PATL2: variants seen among roughly 807,000 people sequenced by gnomAD.
PATL2 encodes the protein PAT1 homolog 2, also known as protein PAT1 homolog 2.
PATL2 carries 73 observed loss-of-function variants against 77.0 expected under a neutral mutation model. That is an observed-to-expected ratio of 0.95 (90% CI 0.78 to 1.15). The LOEUF is 1.15. Among genes scored for constraint, PATL2 ranks in the 50% most tolerant of loss-of-function variants. The pLI, the probability that PATL2 is intolerant of heterozygous loss-of-function variation, is 0.00. For missense variants in PATL2, 618 were observed against 655.4 expected, an observed-to-expected ratio of 0.94 and a Z score of 0.62; for synonymous variants, 265 against 257.1, an observed-to-expected ratio of 1.03 and a Z score of -0.29.
chr15:44,680,569 T>A (rs1392983319), intron 3 of PATL2, among the ~76,000 whole-genome samples: 2 of 152,176 alleles, frequency 1.3e-5, no homozygotes, highest in African/African-American at 4.8e-5. Flanking sequence ...TTCAGCCACT[T>A]TTCTCTGTGT....
intron 3 of PATL2, among the ~76,000 whole-genome samples, chr15:44,689,850 T>G (rs902800662): frequency 1.3e-5 from 2 of 152,156 alleles, no homozygotes; most frequent in Non-Finnish European, 2.9e-5. Flanking sequence ...CCCCAGAACT[T>G]AAAGTATAAT....
chr15:44,685,613 A>G (rs541389875), intron 3 of PATL2, among the ~76,000 whole-genome samples: 1 of 152,010 alleles, frequency 6.6e-6, no homozygotes, highest in Admixed American at 6.6e-5. Flanking sequence ...GTCTCAAAAA[A>G]AAAAAAAGAA....
rs747876617 is a variant in PATL2 at position 44,669,407 on chromosome 15, G to A, written c.937C>T (p.Leu313Phe). The change falls in exon 13 of 18, where the codon CTT becomes TTT. Residue 313 changes from leucine to phenylalanine, a missense_variant. Leu to Phe is a conservative substitution (Grantham distance 22). Transcript: ENST00000682850. ...CCTTCCTCTATTTCTAGTAACTGAA[G>A]GAACATCTGGGAATTTGAGGGTGGA... The part of the protein sequence containing the change: ...RVLYRIEKMF[L>F]QLLEIEEGWK... 10 of 1,549,586 alleles carry A rather than the reference G, an allele frequency of 6.5e-6. No individual in the cohort carries two copies. Among genetic ancestry groups the A allele is most frequent in the African/African-American group, 1.4e-5 (1 of 73,000 alleles).
chr15:44,678,374 T>A (rs1317273360), intron 3 of PATL2, among the ~76,000 whole-genome samples: 4 of 152,196 alleles, frequency 2.6e-5, no homozygotes, highest in African/African-American at 9.6e-5. Flanking sequence ...GCAGGTGGAC[T>A]AGGGCTCAGT....
chr15:44,668,697 G>T (rs563108319), intron 14 of PATL2, among the ~76,000 whole-genome samples: 2 of 152,288 alleles, frequency 1.3e-5, no homozygotes, highest in African/African-American at 4.8e-5. Flanking sequence ...GTAGATAGGG[G>T]CTCAACATTT....
At chr15:44,666,580 C>T (rs1357846542) in intron 16 of PATL2, 39 bp from the exon 17 acceptor site, 19 of 1,471,598 alleles carry the variant, frequency 1.3e-5, no homozygotes, top group East Asian at 2.5e-5. Context: ...AATAGATTTG[C>T]TTAAGAAACA....
At chr15:44,709,517 A>G (rs924867746) in intron 3 of PATL2, among the ~76,000 whole-genome samples, 2 of 152,106 alleles carry the variant, frequency 1.3e-5, no homozygotes, top group Non-Finnish European at 1.5e-5. Flanking sequence ...CTCTGTCTCC[A>G]CAAAAATATT....
In PATL2 at chr15:44,666,447, G is replaced by GGGA; in HGVS notation, c.1557_1558insTCC (p.Pro519_Leu520insSer). The GGGA allele has an allele frequency of 6.4e-7, 1 of 1,551,730 alleles. No homozygotes were observed. Among genetic ancestry groups the GGGA allele is most frequent in the Admixed American group, 2.0e-5 (1 of 51,006 alleles). On this transcript the variant is annotated inframe_insertion, in exon 17 of 18. Coordinates refer to ENST00000682850, the MANE Select transcript of PATL2 (RefSeq NM_001387263.1). ...TGTTTGTCCACGTGGTGACAGAACA[G>GGGA]GGGAAGTAGGTTGCTGGGGAAAGCT...
intron 3 of PATL2, among the ~76,000 whole-genome samples, chr15:44,707,309 C>G (rs2086760492): frequency 6.6e-6 from 1 of 152,062 alleles, no homozygotes; most frequent in Admixed American, 6.5e-5. Flanking sequence ...GAATTTCTCC[C>G]CATAGCCACC....
chr15:44,708,795 G>A (rs1010753599), intron 3 of PATL2, among the ~76,000 whole-genome samples: 1 of 152,156 alleles, frequency 6.6e-6, no homozygotes, highest in African/African-American at 2.4e-5. Context: ...TCTTTGTATA[G>A]ACATATGCTT....
chr15:44,680,822 A>G (rs2086118201), intron 3 of PATL2, among the ~76,000 whole-genome samples: 1 of 152,156 alleles, frequency 6.6e-6, no homozygotes, highest in African/African-American at 2.4e-5. Flanking sequence ...CATAATCTCC[A>G]TAAGCCCCTT....
chr15:44,667,013 G>A lies in PATL2; in HGVS notation c.1463+93C>T, dbSNP rs527403257. 32 of 995,924 alleles carry A rather than the reference G, an allele frequency of 3.2e-5. No individual in the cohort carries two copies. In the African/African-American group the frequency reaches 4.8e-4, roughly 15 times the overall value. The allele number at this position is 995,924 out of a possible 1,614,324, so 61.7% of individuals were successfully genotyped here. On this transcript the variant is annotated intron_variant, in intron 16 of 17. Coordinates refer to ENST00000682850, the MANE Select transcript of PATL2 (RefSeq NM_001387263.1). Reference sequence around the variant, plus strand: ...CTTTCTCTATCCAACCTCTTCCTCAGTACTTGAAAATGCCTCAGGAAATAC... The same window carrying A: ...CTTTCTCTATCCAACCTCTTCCTCAATACTTGAAAATGCCTCAGGAAATAC...
At chr15:44,692,646 C>T (rs2086417573) in intron 3 of PATL2, among the ~76,000 whole-genome samples, 1 of 152,248 alleles carries the variant, frequency 6.6e-6, no homozygotes, top group African/African-American at 2.4e-5. Context: ...GTGGTGAACA[C>T]TGAGATCAGA....
chr15:44,669,997 A>G lies in PATL2; in HGVS notation c.748T>C (p.Tyr250His). 6.5e-7 allele frequency: 1 copy of G among 1,549,672 alleles called. No homozygotes were observed. The highest frequency in any genetic ancestry group is 8.7e-7 in the Non-Finnish European group (1 of 1,146,156). ...RVESLKLVTPYIPKAEAYESV... is the reference protein window; with the variant it reads ...RVESLKLVTPHIPKAEAYESV... ...TCATAAGCCTCTGCCTTCGGAATGT[A>G]AGGCGTTACCAGCTTGAGGGACTCA... The change falls in exon 10 of 18, where the codon TAC (tyrosine) becomes CAC (histidine). Residue 250 changes from tyrosine (Y) to histidine (H), a missense_variant. Transcript: ENST00000682850.
chr15:44,675,831 T>G, intron 4 of PATL2, 140 bp from the exon 5 acceptor site: 1 of 722,710 alleles, frequency 1.4e-6, no homozygotes, highest in Admixed American at 3.1e-5. Flanking sequence ...TCCTGTTCTG[T>G]GGGTTTAACT....
At chr15:44,668,163 T>C (rs900875147) in intron 15 of PATL2, among the ~76,000 whole-genome samples, 179 bp downstream of exon 15, 2 of 152,132 alleles carry the variant, frequency 1.3e-5, no homozygotes, top group Non-Finnish European at 2.9e-5. Context: ...ACTGAATGAC[T>C]GAGTGGGACC....
rs1595982633 is a variant in PATL2 at position 44,690,955 on chromosome 15, A to T, written c.-75-14390T>A. On this transcript the variant is annotated intron_variant, in intron 3 of 17. Transcript: ENST00000682850. ...GTTAACACAGAATGTCTGTGTCCTT[A>T]TGGAGACTGAGAAATCTTTGACCAT... Among the ~76,000 whole-genome samples the T allele has an allele frequency of 1.3e-5, 2 of 152,128 alleles. 1 individual carries two copies. The highest frequency in any genetic ancestry group is 2.9e-5 in the Non-Finnish European group (2 of 67,972).
Position 44,675,304 on chromosome 15 carries a change from T to TG in PATL2, c.222+181dup, listed in dbSNP as rs564472158. ...GGCGAGAACAGCATCAGAAATGAAG[T>TG]GGGAGACAGGAGAAAGAGGGAAGGA... On this transcript the variant is annotated intron_variant, in intron 5 of 17. Transcript: ENST00000682850. 51 of 672,640 alleles carry TG rather than the reference T, an allele frequency of 7.6e-5. No homozygotes were observed. In the East Asian group the frequency reaches 1.4e-3, roughly 18 times the overall value. The allele number at this position is 672,640 out of a possible 1,614,324, so 41.7% of individuals were successfully genotyped here.
chr15:44,698,981 T>C (rs912781510), intron 3 of PATL2, among the ~76,000 whole-genome samples: 1 of 152,210 alleles, frequency 6.6e-6, no homozygotes, highest in Non-Finnish European at 1.5e-5. Context: ...TGATTTGCAT[T>C]TGTCTGATGA....
Sources: gnomAD v4.1 joint callset for allele counts (sites outside exome capture counted in the v4.1 genomes callset) on GRCh38, gnomAD v4.1.1 for gene constraint, MANE v1.5 for transcripts, NCBI Gene and HGNC (gene_info 2026-07-23, HGNC 2026-07-21) for gene names.